The following MAPKAP1 variants were observed in gnomAD, a reference collection of about 807,000 sequenced individuals.
MAPKAP1 encodes target of rapamycin complex 2 subunit MAPKAP1.
MAPKAP1 carries 20 observed loss-of-function variants against 65.7 expected under a neutral mutation model. The observed-to-expected ratio is 0.30, with a 90% CI of 0.21 to 0.44. The LOEUF is 0.44. Ranked by LOEUF, MAPKAP1 falls within the 20% of genes least tolerant of loss-of-function variation. MAPKAP1 has a pLI of 1.00. For synonymous variants in MAPKAP1, 222 were observed against 244.3 expected (o/e 0.91, Z 0.85); for missense variants, 423 against 648.0 (o/e 0.65, Z 3.77).
chr9:125,587,003 T>C (rs76192097), intron 4 of MAPKAP1, among the ~76,000 whole-genome samples: 7,972 of 152,216 alleles, frequency 0.052, 539 homozygotes, highest in East Asian at 0.19. Flanking sequence ...TACATTTCAA[T>C]GGGGAACGTA....
At chr9:125,547,399 C>T (rs965121649) in intron 6 of MAPKAP1, among the ~76,000 whole-genome samples, 6 of 152,164 alleles carry the variant, frequency 3.9e-5, no homozygotes, top group South Asian at 2.1e-4. Flanking sequence ...ATCTTGGTTC[C>T]GTGGCTAACG....
At chr9:125,646,837 A>T (rs1239734849) in intron 4 of MAPKAP1, among the ~76,000 whole-genome samples, 1 of 152,228 alleles carries the variant, frequency 6.6e-6, no homozygotes, top group Non-Finnish European at 1.5e-5. Flanking sequence ...CCTGTTGAAG[A>T]AGGCAGTGAA....
chr9:125,473,618 C>T (rs1329625943), intron 9 of MAPKAP1, among the ~76,000 whole-genome samples: 2 of 152,116 alleles, frequency 1.3e-5, no homozygotes, highest in African/African-American at 4.8e-5. Context: ...ACAAGGAGAC[C>T]CTTGTCTGCT....
chr9:125,576,982 C>A (rs1280735306), intron 5 of MAPKAP1, among the ~76,000 whole-genome samples: 3 of 151,776 alleles, frequency 2.0e-5, no homozygotes, highest in Non-Finnish European at 2.9e-5. Context: ...GGCCGCCCAT[C>A]GTCTGGGATG....
intron 5 of MAPKAP1, among the ~76,000 whole-genome samples, chr9:125,572,037 C>T (rs981384865): frequency 6.6e-6 from 1 of 152,182 alleles, no homozygotes; most frequent in African/African-American, 2.4e-5. Context: ...AATTTGGAAA[C>T]TATTTGTGAG....
intron 4 of MAPKAP1, among the ~76,000 whole-genome samples, chr9:125,589,667 G>C (rs1464528499): frequency 6.6e-6 from 1 of 152,168 alleles, no homozygotes. Context: ...AAATTATAAA[G>C]TCAGTTTAAA....
At chr9:125,571,573 C>A (rs1405254994) in intron 5 of MAPKAP1, among the ~76,000 whole-genome samples, 1 of 152,142 alleles carries the variant, frequency 6.6e-6, no homozygotes, top group East Asian at 1.9e-4. Context: ...TGCTGCTGAT[C>A]CGGCCAGGTG....
At chr9:125,459,425 G>A (rs1228884447) in intron 10 of MAPKAP1, among the ~76,000 whole-genome samples, 5 of 152,050 alleles carry the variant, frequency 3.3e-5, no homozygotes, top group Admixed American at 2.0e-4. Context: ...CGGCCGGGCA[G>A]AGGCTGCAAT....
At chr9:125,628,632 G>T (rs568246719) in intron 4 of MAPKAP1, among the ~76,000 whole-genome samples, 1 of 152,222 alleles carries the variant, frequency 6.6e-6, no homozygotes, top group Non-Finnish European at 1.5e-5. Flanking sequence ...GAAATCAAGG[G>T]AGAAAACTTC....
At chr9:125,553,709 T>C (rs745637968) in intron 6 of MAPKAP1, among the ~76,000 whole-genome samples, 1 of 152,140 alleles carries the variant, frequency 6.6e-6, no homozygotes, top group Non-Finnish European at 1.5e-5. Flanking sequence ...CTATGGCCAA[T>C]AGCCTAAATA....
chr9:125,698,288 AATATATATAT>A (rs57303829), intron 1 of MAPKAP1, among the ~76,000 whole-genome samples: 968 of 48,820 alleles, frequency 0.02, 5 homozygotes, highest in South Asian at 0.042. Context: ...AATATATATA[AATATATATAT>A]ATATATATAT....
chr9:125,482,148 A>AGAAGAAG (rs1554808940), intron 9 of MAPKAP1, among the ~76,000 whole-genome samples: 2 of 116,982 alleles, frequency 1.7e-5, no homozygotes, highest in South Asian at 2.8e-4. Context: ...AAAAAAAAAA[A>AGAAGAAG]AAGAAGAAGA....
At chr9:125,623,835 G>C (rs1832994982) in intron 4 of MAPKAP1, among the ~76,000 whole-genome samples, 2 of 32,910 alleles carry the variant, frequency 6.1e-5, no homozygotes, top group Non-Finnish European at 1.8e-4. Flanking sequence ...CCGGCCAGCC[G>C]CCCCGTCCGG....
At chr9:125,511,632 AT>A in intron 7 of MAPKAP1, among the ~76,000 whole-genome samples, 1 of 152,350 alleles carries the variant, frequency 6.6e-6, no homozygotes. Context: ...GAAAATAAAA[AT>A]AGCATCCAAA....
At chr9:125,539,801 T>C (rs976525237) in intron 7 of MAPKAP1, among the ~76,000 whole-genome samples, 6 of 152,148 alleles carry the variant, frequency 3.9e-5, no homozygotes, top group African/African-American at 1.2e-4. Context: ...TTTTCTTAAA[T>C]AGTAGGGACT....
intron 7 of MAPKAP1, among the ~76,000 whole-genome samples, chr9:125,531,454 T>C (rs1829931075): frequency 6.6e-6 from 1 of 152,228 alleles, no homozygotes; most frequent in South Asian, 2.1e-4. Flanking sequence ...TAAGTGGTGA[T>C]TATTATACCT....
At chr9:125,546,928 T>G (rs1305016109) in intron 6 of MAPKAP1, among the ~76,000 whole-genome samples, 1 of 152,080 alleles carries the variant, frequency 6.6e-6, no homozygotes, top group African/African-American at 2.4e-5. Flanking sequence ...CAGGGCATTC[T>G]AGGGACACTG....
intron 5 of MAPKAP1, 78 bp from the exon 6 acceptor site, chr9:125,559,887 A>T (rs1317939799): frequency 1.4e-6 from 2 of 1,410,064 alleles, no homozygotes; most frequent in East Asian, 4.7e-5. Flanking sequence ...GGTGCACAGC[A>T]AGCAAATTGA....
chr9:125,641,722 T>C (rs1006651315), intron 4 of MAPKAP1, among the ~76,000 whole-genome samples: 17 of 151,672 alleles, frequency 1.1e-4, no homozygotes, highest in African/African-American at 4.1e-4. Flanking sequence ...CCTAGGGAAA[T>C]AGTGAGGCTC....
Sources: allele counts gnomAD v4.1 joint callset (sites outside exome capture counted in the v4.1 genomes callset), GRCh38; gene constraint gnomAD v4.1.1; transcripts MANE v1.5; gene names NCBI Gene and HGNC (gene_info 2026-07-23, HGNC 2026-07-21).